The following GPHN variants were observed in gnomAD, a reference collection of about 807,000 sequenced individuals.
GPHN encodes gephyrin.
Under a neutral mutation model 95.5 loss-of-function variants are expected in GPHN, and 17 were observed. The observed-to-expected ratio is 0.18, with a 90% CI of 0.12 to 0.27. The LOEUF is 0.27. Among genes scored for constraint, GPHN ranks in the 10% least tolerant of loss-of-function variants. The pLI is 1.00. For missense variants in GPHN, 660 were observed against 978.1 expected, an observed-to-expected ratio of 0.67 and a Z score of 4.34; for synonymous variants, 320 against 322.5, an observed-to-expected ratio of 0.99 and a Z score of 0.08.
At chr14:67,583,889 T>C in the GPHN span, 1 of 1,613,488 alleles carries the variant, frequency 6.2e-7, no homozygotes, top group South Asian at 1.1e-5. Context: ...CTGAGGTAGG[T>C]AGGCTACAAG....
At chr14:67,466,944 G>A in the GPHN span, among the ~76,000 whole-genome samples, 16 of 143,362 alleles carry the variant, frequency 1.1e-4, no homozygotes, top group Non-Finnish European at 1.9e-4. Context: ...GCAGTGAGCC[G>A]AGATCGCGCC....
chr14:67,673,449 A>G, the GPHN span, among the ~76,000 whole-genome samples: 1 of 152,126 alleles, frequency 6.6e-6, no homozygotes, highest in African/African-American at 2.4e-5. Context: ...TAATAGTTAT[A>G]TATTGTTTAT....
At chr14:67,350,595 C>A in the GPHN span, 1 of 1,603,092 alleles carries the variant, frequency 6.2e-7, no homozygotes, top group East Asian at 2.2e-5. Flanking sequence ...CAAAACACCC[C>A]GTTTAGTCCC....
At chr14:67,161,942 T>C (rs1156766936) in intron 19 of GPHN, among the ~76,000 whole-genome samples, 1 of 152,192 alleles carries the variant, frequency 6.6e-6, no homozygotes, top group Non-Finnish European at 1.5e-5. Context: ...AGTTCATCAA[T>C]TCCTAACATT....
chr14:66,692,395 A>G (rs966400672), intron 2 of GPHN, among the ~76,000 whole-genome samples: 2 of 152,156 alleles, frequency 1.3e-5, no homozygotes, highest in African/African-American at 4.8e-5. Context: ...AGTTTTTAAT[A>G]TGATGTTTCA....
At chr14:66,518,014 G>C (rs1045727742) in intron 1 of GPHN, among the ~76,000 whole-genome samples, 2 of 151,738 alleles carry the variant, frequency 1.3e-5, no homozygotes, top group Non-Finnish European at 2.9e-5. Context: ...CCTATAGAAT[G>C]GGAGAAAATA....
the GPHN span, among the ~76,000 whole-genome samples, chr14:67,724,292 C>T: frequency 0.09 from 13,648 of 152,070 alleles, 641 homozygotes; most frequent in Middle Eastern, 0.2. Context: ...GATAAACAGG[C>T]GACTACCTTG....
chr14:67,611,368 C>G, the GPHN span, among the ~76,000 whole-genome samples: 2 of 152,074 alleles, frequency 1.3e-5, no homozygotes, highest in African/African-American at 4.8e-5. Context: ...TCAAGTGATT[C>G]TCCAGCCTCA....
chr14:66,546,136 G>C (rs1454592471), intron 1 of GPHN, among the ~76,000 whole-genome samples: 8 of 151,702 alleles, frequency 5.3e-5, no homozygotes, highest in Non-Finnish European at 7.4e-5. Flanking sequence ...GACGATGGGC[G>C]GCCAGGCAGA....
chr14:66,690,384 A>G (rs922048605), intron 2 of GPHN, among the ~76,000 whole-genome samples: 1 of 152,174 alleles, frequency 6.6e-6, no homozygotes, highest in African/African-American at 2.4e-5. Context: ...AATTTTGGCC[A>G]GAAAAGATAC....
the GPHN span, chr14:67,579,979 T>G: frequency 5.3e-5 from 60 of 1,138,962 alleles, 1 homozygote; most frequent in Admixed American, 1.3e-3. Flanking sequence ...GGTAGCTCAT[T>G]TGGTGCTGAG....
the GPHN span, chr14:67,568,951 T>A: frequency 1.7e-6 from 1 of 573,988 alleles, no homozygotes; most frequent in Non-Finnish European, 3.1e-6. Flanking sequence ...GTAAGTATTA[T>A]TACCTCCATT....
chr14:67,127,177 G>A (rs1314101827), intron 17 of GPHN, among the ~76,000 whole-genome samples: 3 of 151,180 alleles, frequency 2.0e-5, no homozygotes, highest in African/African-American at 4.9e-5. Context: ...TGGGTGCAGC[G>A]CACCAGCATG....
intron 2 of GPHN, among the ~76,000 whole-genome samples, chr14:66,702,709 G>GA (rs2068674268): frequency 6.6e-6 from 1 of 152,100 alleles, no homozygotes; most frequent in Non-Finnish European, 1.5e-5. Flanking sequence ...AAGAATCAAT[G>GA]AAAAAATGCT....
intron 4 of GPHN, 47 bp downstream of exon 4, chr14:66,824,613 G>T: frequency 1.1e-6 from 1 of 871,876 alleles, no homozygotes; most frequent in Non-Finnish European, 1.9e-6. Context: ...AACTAATCAT[G>T]GTTTTTTTAA....
At chr14:66,653,760 G>A (rs555980377) in intron 1 of GPHN, among the ~76,000 whole-genome samples, 64 of 152,234 alleles carry the variant, frequency 4.2e-4, no homozygotes, top group African/African-American at 9.1e-4. Flanking sequence ...TATATCAGGC[G>A]TTGGCCACAT....
the GPHN span, among the ~76,000 whole-genome samples, chr14:67,645,477 A>C: frequency 1.0e-3 from 154 of 152,290 alleles, no homozygotes; most frequent in African/African-American, 3.5e-3. Flanking sequence ...CTCAAGATTA[A>C]TTTTTGAGAA....
chr14:66,632,720 T>C (rs961288324), intron 1 of GPHN, among the ~76,000 whole-genome samples: 3 of 152,040 alleles, frequency 2.0e-5, no homozygotes, highest in Admixed American at 2.0e-4. Context: ...CTCCAACTTC[T>C]GACCTCGTGA....
At chr14:67,211,720 C>A in the GPHN span, among the ~76,000 whole-genome samples, 7 of 152,116 alleles carry the variant, frequency 4.6e-5, no homozygotes, top group African/African-American at 1.7e-4. Context: ...TCCTGGGCAA[C>A]TTAACAAAAC....
Sources: gnomAD v4.1 joint callset for allele counts (sites outside exome capture counted in the v4.1 genomes callset) on GRCh38, gnomAD v4.1.1 for gene constraint, MANE v1.5 for transcripts, NCBI Gene and HGNC (gene_info 2026-07-23, HGNC 2026-07-21) for gene names.